LEF1: variants seen among roughly 807,000 people sequenced by gnomAD.
The protein encoded by LEF1 is lymphoid enhancer binding factor 1, also known as lymphoid enhancer-binding factor 1.
Under a neutral mutation model 51.2 loss-of-function variants are expected in LEF1, and 14 were observed. The ratio of observed to expected loss-of-function variants is 0.27; its 90% CI spans 0.18 to 0.43. LEF1 has a LOEUF of 0.43. Ranked by LOEUF, LEF1 falls within the 20% of genes least tolerant of loss-of-function variation. LEF1 has a pLI of 1.00. For missense variants in LEF1, 386 were observed against 512.0 expected, an observed-to-expected ratio of 0.75 and a Z score of 2.37; for synonymous variants, 185 against 183.2, an observed-to-expected ratio of 1.01 and a Z score of -0.08.
chr4:108,076,298 G>A (rs1738855287), intron 8 of LEF1, among the ~76,000 whole-genome samples: 1 of 152,184 alleles, frequency 6.6e-6, no homozygotes, highest in Non-Finnish European at 1.5e-5. Flanking sequence ...TGAAGCTCCA[G>A]AAAGGGGCTG....
chr4:108,066,262 C>G (rs926692836), intron 9 of LEF1, among the ~76,000 whole-genome samples: 1 of 152,192 alleles, frequency 6.6e-6, no homozygotes, highest in African/African-American at 2.4e-5. Context: ...GTAATTACTG[C>G]AAGGTTCAGA....
chr4:108,104,197 C>T (rs1204471124), intron 3 of LEF1, among the ~76,000 whole-genome samples: 1 of 151,690 alleles, frequency 6.6e-6, no homozygotes, highest in Non-Finnish European at 1.5e-5. Context: ...ATGAAATGTC[C>T]GGACCAGGCA....
intron 7 of LEF1, 148 bp downstream of exon 7, chr4:108,079,344 T>G (rs1026357799): frequency 1.2e-6 from 1 of 852,054 alleles, no homozygotes; most frequent in Admixed American, 2.7e-5. Context: ...AGCTGCTTAA[T>G]GTCCTCAGGG....
At chr4:108,129,461 ATAGT>A (rs1435958945) in intron 3 of LEF1, among the ~76,000 whole-genome samples, 1 of 152,228 alleles carries the variant, frequency 6.6e-6, no homozygotes, top group East Asian at 1.9e-4. Flanking sequence ...TTTTCCTGTA[ATAGT>A]TAGAAACTCA....
chr4:108,106,460 C>T (rs939653910), intron 3 of LEF1, among the ~76,000 whole-genome samples: 6 of 152,058 alleles, frequency 3.9e-5, no homozygotes, highest in Admixed American at 1.3e-4. Flanking sequence ...GCTGCCTTTA[C>T]GGACTAGGAT....
chr4:108,092,094 C>T (rs1460554996), intron 3 of LEF1, among the ~76,000 whole-genome samples: 2 of 152,168 alleles, frequency 1.3e-5, no homozygotes, highest in South Asian at 2.1e-4. Context: ...AGTCATATAG[C>T]TCAGAATCTG....
chr4:108,159,136 T>C (rs1237090547), intron 3 of LEF1, among the ~76,000 whole-genome samples: 1 of 152,204 alleles, frequency 6.6e-6, no homozygotes, highest in Admixed American at 6.5e-5. Context: ...TATGGCTTCC[T>C]GGCACACTTA....
intron 11 of LEF1, among the ~76,000 whole-genome samples, chr4:108,052,986 TAGGC>T (rs1737102146): frequency 6.6e-6 from 1 of 152,194 alleles, no homozygotes; most frequent in African/African-American, 2.4e-5. Context: ...ACCCAACTAA[TAGGC>T]AGCAGGATGA....
intron 3 of LEF1, among the ~76,000 whole-genome samples, chr4:108,144,865 CAAAAAAAAAAAAAAAAAA>C (rs11394687): frequency 4.8e-5 from 2 of 41,926 alleles, no homozygotes; most frequent in Non-Finnish European, 8.0e-5. Flanking sequence ...CCCAACCAGC[CAAAAAAAAAAAAAAAAAA>C]AAAAAAGAAG....
chr4:108,099,174 T>G (rs1740584178), intron 3 of LEF1, among the ~76,000 whole-genome samples: 1 of 152,280 alleles, frequency 6.6e-6, no homozygotes, highest in Admixed American at 6.5e-5. Flanking sequence ...ATTACTAAAA[T>G]TAATTTTACC....
chr4:108,155,158 C>T (rs1188017082), intron 3 of LEF1, among the ~76,000 whole-genome samples: 2 of 152,254 alleles, frequency 1.3e-5, no homozygotes, highest in East Asian at 3.9e-4. Context: ...AAAAAAATCT[C>T]CTAACCAAAA....
At chr4:108,087,276 G>A (rs530247649) in intron 4 of LEF1, among the ~76,000 whole-genome samples, 238 of 152,172 alleles carry the variant, frequency 1.6e-3, no homozygotes, top group African/African-American at 5.5e-3. Flanking sequence ...GATAAAACAG[G>A]ATCTTTTTTT....
At chr4:108,140,949 G>A (rs895132091) in intron 3 of LEF1, among the ~76,000 whole-genome samples, 1 of 152,106 alleles carries the variant, frequency 6.6e-6, no homozygotes, top group African/African-American at 2.4e-5. Context: ...CTCAATCAAG[G>A]TGAAAAAACA....
At chr4:108,091,325 G>A (rs778128243) in intron 3 of LEF1, among the ~76,000 whole-genome samples, 5 of 151,822 alleles carry the variant, frequency 3.3e-5, no homozygotes, top group African/African-American at 9.7e-5. Context: ...TAAAAAATAT[G>A]TGGCTCCAAT....
chr4:108,167,492 T>C lies in LEF1; in HGVS notation c.213+63A>G, dbSNP rs1745488322. 3 of 1,560,706 alleles carry C rather than the reference T, an allele frequency of 1.9e-6. No homozygotes were observed. Among genetic ancestry groups the C allele is most frequent in the East Asian group, 2.2e-5 (1 of 44,504 alleles). ...CGGCCGGGCGCCTTCGTTCCCTTCC[T>C]CCCTCTCTGAGTTTCCCAGGGACCC... On this transcript the variant is annotated intron_variant, in intron 1 of 11. Transcript: ENST00000265165. The surrounding 1 kb of genome is among the most constrained non-coding windows in gnomAD (Gnocchi z 5.7).
chr4:108,089,169 C>A lies in LEF1; in HGVS notation c.503G>T (p.Gly168Val), dbSNP rs138504619. The change falls in exon 4 of 12, where the codon GGA becomes GTA. Residue 168 changes from glycine to valine, a missense_variant. Physicochemically the swap from Gly to Val is moderately radical, Grantham distance 109 (BLOSUM62 -3). Around this residue, in one of 2 missense-constraint regions of LEF1, gnomAD observed 335 missense variants for 390.7 expected, o/e 0.86. Coordinates refer to ENST00000265165, the MANE Select transcript of LEF1 (RefSeq NM_016269.5). ...ITYSDEHFSP[G>V]SHPSHIPSDV... ...TGATGGGATGTGTGACGGGTGTGAT[C>A]CTGGAGAAAAGTGCTCGTCACTGTA... is the stretch of plus-strand genomic sequence containing the variant. The A allele has an allele frequency of 6.2e-7, 1 of 1,613,850 alleles. No homozygotes were observed. The highest frequency in any genetic ancestry group is 8.5e-7 in the Non-Finnish European group (1 of 1,179,994).
At chr4:108,141,388 G>A (rs1015284813) in intron 3 of LEF1, among the ~76,000 whole-genome samples, 9 of 151,702 alleles carry the variant, frequency 5.9e-5, no homozygotes, top group Middle Eastern at 3.4e-3. Context: ...CTCCCCCCCC[G>A]CCACATCATT....
chr4:108,056,023 C>A (rs917671490), intron 11 of LEF1, among the ~76,000 whole-genome samples: 2 of 152,224 alleles, frequency 1.3e-5, no homozygotes, highest in Non-Finnish European at 2.9e-5. Flanking sequence ...TATCCCAACT[C>A]CAACACTGTT....
intron 11 of LEF1, among the ~76,000 whole-genome samples, chr4:108,059,768 T>C (rs951950842): frequency 6.6e-6 from 1 of 152,166 alleles, no homozygotes; most frequent in African/African-American, 2.4e-5. Flanking sequence ...GGTGGTATAA[T>C]CTCAGCTCAC....
Sources: gnomAD v4.1 joint callset for allele counts (sites outside exome capture counted in the v4.1 genomes callset) on GRCh38, gnomAD v4.1.1 for gene constraint, gnomAD v4.1.1 regional missense constraint, Gnocchi (gnomAD v3.1) non-coding constraint, MANE v1.5 for transcripts, NCBI Gene and HGNC (gene_info 2026-07-23, HGNC 2026-07-21) for gene names.